The following STK32B variants were observed in gnomAD, a reference collection of about 807,000 sequenced individuals.
STK32B encodes serine/threonine-protein kinase 32B.
In STK32B, 43 loss-of-function variants were observed where a neutral mutation model predicts 52.6. The ratio of observed to expected loss-of-function variants is 0.82; its 90% CI spans 0.64 to 1.05. STK32B has a LOEUF of 1.05. Ranked by LOEUF, STK32B falls within the 50% of genes least tolerant of loss-of-function variation. The probability of loss-of-function intolerance (pLI) is 0.00; values close to 1 mark genes in which losing one functional copy is unlikely to be tolerated. For missense variants in STK32B, 621 were observed against 534.6 expected (o/e 1.16, Z -1.59); for synonymous variants, 238 against 204.3 (o/e 1.17, Z -1.41).
At chr4:5,285,412 A>G (rs182038831) in intron 3 of STK32B, among the ~76,000 whole-genome samples, 37 of 152,322 alleles carry the variant, frequency 2.4e-4, no homozygotes, top group Admixed American at 1.4e-3. Context: ...TGAATATTTT[A>G]AAAACCTATG....
chr4:5,246,068 G>A (rs1406872745), intron 3 of STK32B, among the ~76,000 whole-genome samples: 1 of 152,042 alleles, frequency 6.6e-6, no homozygotes, highest in South Asian at 2.1e-4. Flanking sequence ...TGCTCTTCTC[G>A]AGGAGTATCT....
At chr4:5,459,282 G>GGCCCCCC (rs1716831935) in intron 8 of STK32B, among the ~76,000 whole-genome samples, 1 of 133,048 alleles carries the variant, frequency 7.5e-6, no homozygotes. Context: ...ACCCTGGTGT[G>GGCCCCCC]CCCCCCCCCC....
intron 4 of STK32B, among the ~76,000 whole-genome samples, chr4:5,368,417 A>G (rs979809248): frequency 1.3e-5 from 2 of 151,682 alleles, no homozygotes; most frequent in African/African-American, 4.9e-5. Context: ...TCAGTAACTC[A>G]CTAATCCTCA....
At chr4:5,455,929 A>G (rs778932464) in intron 7 of STK32B, among the ~76,000 whole-genome samples, 8 of 152,162 alleles carry the variant, frequency 5.3e-5, no homozygotes, top group Admixed American at 3.3e-4. Flanking sequence ...TTGTACCACC[A>G]CACGTGCCAG....
the STK32B span, among the ~76,000 whole-genome samples, chr4:5,022,464 C>T: frequency 6.6e-6 from 1 of 152,226 alleles, no homozygotes; most frequent in African/African-American, 2.4e-5. Context: ...TCAAATGTCT[C>T]CTTCACCACG....
At chr4:5,222,019 C>T (rs1330131039) in intron 3 of STK32B, among the ~76,000 whole-genome samples, 1 of 152,156 alleles carries the variant, frequency 6.6e-6, no homozygotes, top group African/African-American at 2.4e-5. Context: ...CTGCCTTCTG[C>T]TATTTGAGGA....
At chr4:5,455,314 C>T (rs779695022) in intron 7 of STK32B, among the ~76,000 whole-genome samples, 25 of 152,218 alleles carry the variant, frequency 1.6e-4, no homozygotes, top group Admixed American at 4.6e-4. Flanking sequence ...GCAGTGTTAC[C>T]CACACAACAT....
chr4:5,098,017 A>G (rs1414435913), intron 1 of STK32B, among the ~76,000 whole-genome samples: 1 of 152,218 alleles, frequency 6.6e-6, no homozygotes, highest in Non-Finnish European at 1.5e-5. Context: ...CATCTGTTCC[A>G]CGTGATCTCT....
intron 3 of STK32B, among the ~76,000 whole-genome samples, chr4:5,326,559 T>C (rs1560322389): frequency 6.6e-6 from 1 of 152,192 alleles, no homozygotes; most frequent in Non-Finnish European, 1.5e-5. Context: ...TTTTTCGTTT[T>C]CTAGTGCCTT....
At position 5,500,575 on chromosome 4, in the gene STK32B, A is replaced by ATGAT. The variant is rs1471706194; in HGVS notation, c.*1494_*1497dup. The stretch of plus-strand genomic sequence containing the variant: ...CCAACTTCCATTTTTCACTTTTTAC[A>ATGAT]TGATTACTCAATCCTTGGGGCTGTC... On this transcript the variant is annotated 3_prime_UTR_variant, in exon 12 of 12. Coordinates refer to ENST00000282908, the MANE Select transcript of STK32B (RefSeq NM_018401.3). 1 of 152,122 alleles carries ATGAT rather than the reference A, an allele frequency of 6.6e-6. No homozygotes were observed. The highest frequency in any genetic ancestry group is 2.4e-5 in the African/African-American group (1 of 41,420). 9.4% of individuals were successfully genotyped at this position (152,122 alleles called of 1,614,324 possible). A position where few individuals can be genotyped will look rare whatever the true frequency, so the allele number is the denominator to read the frequency against.
At chr4:5,182,871 A>G (rs1720467498) in intron 3 of STK32B, among the ~76,000 whole-genome samples, 1 of 152,220 alleles carries the variant, frequency 6.6e-6, no homozygotes, top group African/African-American at 2.4e-5. Flanking sequence ...CATGTCTTGT[A>G]CATCTCCATT....
Position 5,446,723 on chromosome 4 carries a change from C to T in STK32B, c.613C>T (p.Pro205Ser), listed in dbSNP as rs751767372. ...GGACAGAGGCCCCGGATACTCGTACCCTGTCGACTGGTGGTCCCTGGGCAT... is the reference window on the plus strand; with the variant it reads ...GGACAGAGGCCCCGGATACTCGTACTCTGTCGACTGGTGGTCCCTGGGCAT... ...YMDRGPGYSY[P>S]VDWWSLGITA... Residue 205 changes from proline to serine, a missense_variant, in exon 7 of 12, where the codon CCT (proline) becomes TCT (serine). Physicochemically the swap from Pro to Ser is moderately conservative, Grantham distance 74. Coordinates refer to ENST00000282908, the MANE Select transcript of STK32B (RefSeq NM_018401.3). 1.3e-5 allele frequency: 21 copies of T among 1,613,968 alleles called. No homozygotes were observed. The highest frequency in any genetic ancestry group is 1.8e-5 in the Non-Finnish European group (21 of 1,180,026).
intron 2 of STK32B, 44 bp downstream of exon 2, chr4:5,140,004 T>C (rs771473139): frequency 5.0e-6 from 8 of 1,608,998 alleles, no homozygotes; most frequent in Non-Finnish European, 6.8e-6. Context: ...AGTATGTGTG[T>C]ATATTTGTGT....
intron 1 of STK32B, among the ~76,000 whole-genome samples, chr4:5,124,126 G>T (rs1466088287): frequency 6.6e-6 from 1 of 152,138 alleles, no homozygotes; most frequent in Admixed American, 6.5e-5. Context: ...CATCCTCCCA[G>T]TTTGTTGGCC....
the STK32B span, among the ~76,000 whole-genome samples, chr4:5,035,539 C>A: frequency 7.2e-5 from 11 of 152,272 alleles, no homozygotes; most frequent in East Asian, 1.4e-3. Flanking sequence ...TAACCATAGG[C>A]TGCCCAAAGT....
intron 4 of STK32B, among the ~76,000 whole-genome samples, chr4:5,344,053 G>A (rs1017189876): frequency 1.3e-5 from 2 of 152,152 alleles, no homozygotes; most frequent in Non-Finnish European, 2.9e-5. Flanking sequence ...CAGTGCTGTT[G>A]GATTGCATCC....
intron 11 of STK32B, among the ~76,000 whole-genome samples, chr4:5,485,688 C>G (rs1263551550): frequency 6.6e-6 from 1 of 152,162 alleles, no homozygotes; most frequent in East Asian, 1.9e-4. Flanking sequence ...TCTAGTTTTT[C>G]TGCTCTGTTT....
At chr4:5,487,127 A>C (rs948188839) in intron 11 of STK32B, among the ~76,000 whole-genome samples, 1 of 152,206 alleles carries the variant, frequency 6.6e-6, no homozygotes, top group Non-Finnish European at 1.5e-5. Flanking sequence ...ATTATCCCTC[A>C]GCACCAGAAT....
intron 3 of STK32B, among the ~76,000 whole-genome samples, chr4:5,277,308 A>G (rs1483565008): frequency 6.6e-6 from 1 of 152,226 alleles, no homozygotes; most frequent in African/African-American, 2.4e-5. Context: ...CTTTTCAGCA[A>G]AGGACAATGG....
Sources: allele counts gnomAD v4.1 joint callset (sites outside exome capture counted in the v4.1 genomes callset), GRCh38; gene constraint gnomAD v4.1.1; transcripts MANE v1.5; gene names NCBI Gene and HGNC (gene_info 2026-07-23, HGNC 2026-07-21).